The following BOD1L1 variants were observed in gnomAD, a reference collection of about 807,000 sequenced individuals.
BOD1L1 encodes biorientation of chromosomes in cell division protein 1-like 1.
In BOD1L1, 86 loss-of-function variants were observed where a neutral mutation model predicts 240.7. That is an observed-to-expected ratio of 0.36 (90% CI 0.30 to 0.43). The LOEUF (loss-of-function observed/expected upper bound fraction) is 0.43. BOD1L1 is among the 20% of genes least tolerant of loss of function. The pLI is 1.00. For missense variants in BOD1L1, 3,554 were observed against 3,643.5 expected, an observed-to-expected ratio of 0.98 and a Z score of 0.63; for synonymous variants, 1,268 against 1,272.3, an observed-to-expected ratio of 1.00 and a Z score of 0.07.
rs775410432 is a variant in BOD1L1, at chr4:13,600,793, GTGA to G, written c.6104_6106del (p.Ile2035del). ...ATCACACTCTTCATTTTCTACAGAG[GTGA>G]TGATGTCCTCATCTTCTTTTTCACT... On this transcript the variant is annotated inframe_deletion, in exon 10 of 26. Coordinates refer to ENST00000040738, the MANE Select transcript of BOD1L1 (RefSeq NM_148894.3). 2 of 1,613,946 alleles carry G rather than the reference GTGA, an allele frequency of 1.2e-6. No homozygotes were observed. Among genetic ancestry groups the G allele is most frequent in the Admixed American group, 1.7e-5 (1 of 60,014 alleles).
At position 13,627,660 on chromosome 4, in the gene BOD1L1, C is replaced by T; in HGVS notation, c.-73G>A. 1 of 1,058,854 alleles carries T rather than the reference C, an allele frequency of 9.4e-7. No homozygotes were observed. The highest frequency in any genetic ancestry group is 1.7e-5 in the African/African-American group (1 of 59,244). The allele number at this position is 1,058,854 out of a possible 1,614,324, so 65.6% of individuals were successfully genotyped here. On this transcript the variant is annotated 5_prime_UTR_variant, in exon 1 of 26. Transcript: ENST00000040738. The stretch of plus-strand genomic sequence containing the variant: ...TGGGAGGCGGCGGCTGCACTGGTCC[C>T]GCCGCCTGAGGGAAGCCAACGGGAT...
rs1325747178 is a variant in BOD1L1, at chr4:13,602,764, T to C, written c.4136A>G (p.Gln1379Arg). ...TCCAAGAGGCATGATTACCTTTCCT[T>C]GTTTACCATCCAATAAAGTAGCCTG... ...AHQATLLDGK[Q>R]GKVIMPLGSK... The change falls in exon 10 of 26, where the codon CAA becomes CGA. Residue 1379 changes from glutamine to arginine, a missense_variant. This residue lies in a region of BOD1L1 where 3,393 missense variants were observed against 3,427.1 expected (regional missense o/e 0.99). Transcript: ENST00000040738. 1 of 1,614,016 alleles carries C rather than the reference T, an allele frequency of 6.2e-7. No individual in the cohort carries two copies. Among genetic ancestry groups the C allele is most frequent in the East Asian group, 2.2e-5 (1 of 44,882 alleles).
chr4:13,570,243 C>A (rs17806666), intron 25 of BOD1L1, 115 bp from the exon 26 acceptor site: 100,071 of 692,022 alleles, frequency 0.14, 8,246 homozygotes, highest in Middle Eastern at 0.22. Context: ...AAGAGAAAAA[C>A]CCAGTAACAT....
At position 13,569,017 on chromosome 4, in the gene BOD1L1, CAT is replaced by C. The variant is rs1711983976; in HGVS notation, c.*992_*993del. 3 of 152,194 alleles carry C rather than the reference CAT, an allele frequency of 2.0e-5. No homozygotes were observed. In the South Asian group the frequency reaches 6.2e-4, roughly 32 times the overall value. The allele number at this position is 152,194 out of a possible 1,614,324, so 9.4% of individuals were successfully genotyped here. On this transcript the variant is annotated 3_prime_UTR_variant, in exon 26 of 26. Coordinates refer to ENST00000040738, the MANE Select transcript of BOD1L1 (RefSeq NM_148894.3). The stretch of plus-strand genomic sequence containing the variant: ...CAGTTTGCTCATATGAGAGTTAAAA[CAT>C]GTTTAAAAAAACACTTGGCAATAAA...
In BOD1L1 at chr4:13,597,086, C is replaced by A; in HGVS notation, c.8019+18G>T. ...TTTAATCACTTACAGTTCAGCACAG[C>A]TGAATTATAAGCCATACCTCCATTT... On this transcript the variant is annotated intron_variant, in intron 11 of 25. Coordinates refer to ENST00000040738, the MANE Select transcript of BOD1L1 (RefSeq NM_148894.3). The A allele has an allele frequency of 8.3e-6, 13 of 1,569,998 alleles. No individual in the cohort carries two copies. The highest frequency in any genetic ancestry group is 1.1e-5 in the Non-Finnish European group (13 of 1,153,722).
chr4:13,591,173 G>A (rs942896821), intron 13 of BOD1L1, among the ~76,000 whole-genome samples: 1 of 152,062 alleles, frequency 6.6e-6, no homozygotes, highest in African/African-American at 2.4e-5. Flanking sequence ...CTCAGTAGCT[G>A]GGACTATAGG....
chr4:13,585,923 C>T (rs754089482), intron 17 of BOD1L1, among the ~76,000 whole-genome samples: 9 of 152,118 alleles, frequency 5.9e-5, no homozygotes, highest in Non-Finnish European at 8.8e-5. Context: ...CATGCGGAAC[C>T]GTGAGTCAAT....
intron 22 of BOD1L1, 157 bp from the exon 23 acceptor site, chr4:13,577,788 C>T: frequency 1.9e-6 from 1 of 534,442 alleles, no homozygotes; most frequent in South Asian, 3.0e-5. Flanking sequence ...AATCAGAATA[C>T]CTAGCAGAGA....
At chr4:13,609,273 T>C (rs1488665984) in intron 7 of BOD1L1, 22 bp downstream of exon 7, 7 of 1,353,360 alleles carry the variant, frequency 5.2e-6, no homozygotes, top group South Asian at 1.7e-5. Context: ...TAGTTTAAAA[T>C]ATTAAAAGTT....
Position 13,613,500 on chromosome 4 carries a change from A to C in BOD1L1, c.1324+12T>G. 6.2e-7 allele frequency: 1 copy of C among 1,607,770 alleles called. No homozygotes were observed. Among genetic ancestry groups the C allele is most frequent in the Non-Finnish European group, 8.5e-7 (1 of 1,175,944 alleles). ...GGATGCTTCAGAGGCATTATTATGT[A>C]AAATGCTTTACCATCTGACGTAATC... On this transcript the variant is annotated intron_variant, in intron 5 of 25. Transcript: ENST00000040738. This position sits in a 1 kb window ranked among gnomAD's most constrained non-coding sequence, Gnocchi z 4.0.
Position 13,602,447 on chromosome 4 carries a change from T to C in BOD1L1, c.4453A>G (p.Ser1485Gly). The C allele has an allele frequency of 6.2e-7, 1 of 1,614,038 alleles. No individual in the cohort carries two copies. Among genetic ancestry groups the C allele is most frequent in the Non-Finnish European group, 8.5e-7 (1 of 1,179,878 alleles). Residue 1485 changes from serine to glycine, a missense_variant, in exon 10 of 26, where the codon AGT becomes GGT. Ser to Gly is a moderately conservative substitution (Grantham distance 56, BLOSUM62 0). Coordinates refer to ENST00000040738, the MANE Select transcript of BOD1L1 (RefSeq NM_148894.3). ...RRNENSEVDT[S>G]AGSGSAPSVL... is the part of the protein sequence containing the mutation. ...GAGGGTGCAGAGCCACTTCCAGCAC[T>C]GGTGTCTACCTCACTGTTTTCATTC...
rs775504939 is a variant in BOD1L1, at chr4:13,614,674, T to C, written c.696A>G (p.Arg232=). 2.2e-5 allele frequency: 36 copies of C among 1,613,792 alleles called. No individual in the cohort carries two copies. Among genetic ancestry groups the C allele is most frequent in the Admixed American group, 3.3e-5 (2 of 59,988 alleles). The stretch of plus-strand genomic sequence containing the variant: ...GCTGAGATGGAAGTTTTTTTGACGC[T>C]CTCTCACTGGTCTTGGCATTTGATG... ...TETSNAKTSE[R]ASKKLPSQPT... Residue 232 remains arginine (R), a synonymous_variant, in exon 4 of 26, where the codon AGA becomes AGG. Transcript: ENST00000040738.
chr4:13,600,329 C>G lies in BOD1L1; in HGVS notation c.6571G>C (p.Glu2191Gln). The change falls in exon 10 of 26, where the codon GAG becomes CAG. Residue 2191 changes from glutamate (E) to glutamine (Q), a missense_variant. Transcript: ENST00000040738. ...GGGGGCGCACTGGGCATAGGCCCCT[C>G]AAAGTCGGCGGTGCTTATCAAGACT... ...GPVLISTADF[E>Q]GPMPSAPPEA... The G allele has an allele frequency of 6.2e-7, 1 of 1,614,046 alleles. No homozygotes were observed. Among genetic ancestry groups the G allele is most frequent in the East Asian group, 2.2e-5 (1 of 44,882 alleles).
chr4:13,623,353 A>C (rs1014440987), intron 1 of BOD1L1: 4 of 152,180 alleles, frequency 2.6e-5, no homozygotes, highest in African/African-American at 9.7e-5. Flanking sequence ...CCAAAAAATC[A>C]GACTTTCTTA....
Position 13,569,940 on chromosome 4 carries a change from A to T in BOD1L1, c.*71T>A, listed in dbSNP as rs181404914. 1 of 1,157,366 alleles carries T rather than the reference A, an allele frequency of 8.6e-7. No individual in the cohort carries two copies. Among genetic ancestry groups the T allele is most frequent in the African/African-American group, 1.6e-5 (1 of 62,176 alleles). 71.7% of individuals were successfully genotyped at this position (1,157,366 alleles called of 1,614,324 possible). A position where few individuals can be genotyped will look rare whatever the true frequency, so the allele number is the denominator to read the frequency against. On this transcript the variant is annotated 3_prime_UTR_variant, in exon 26 of 26. Transcript: ENST00000040738. ...CTTTTTCCTGGTTAAAGAGAAGCCTATGGCCACCAAGGCATGTCTCTTTCC... is the reference window on the plus strand; with the variant it reads ...CTTTTTCCTGGTTAAAGAGAAGCCTTTGGCCACCAAGGCATGTCTCTTTCC...
At chr4:13,577,520 G>A (rs1712857653) in intron 23 of BOD1L1, 33 bp from the exon 24 acceptor site, 2 of 1,606,332 alleles carry the variant, frequency 1.2e-6, no homozygotes, top group Non-Finnish European at 1.7e-6. Context: ...CAAAAGGGTG[G>A]TCAGCTGAGC....
In BOD1L1 at chr4:13,576,905, C is replaced by T; in HGVS notation, c.8971G>A (p.Glu2991Lys). 1 of 1,613,828 alleles carries T rather than the reference C, an allele frequency of 6.2e-7. No individual in the cohort carries two copies. The highest frequency in any genetic ancestry group is 8.5e-7 in the Non-Finnish European group (1 of 1,179,688). ...GAAGGCTCGTCCTCTTCCTCTTCTTCCTCTTCCTCATCAGACTCCTGCTCT... is the reference window on the plus strand; with the variant it reads ...GAAGGCTCGTCCTCTTCCTCTTCTTTCTCTTCCTCATCAGACTCCTGCTCT... ...KKEQESDEEEEEEEEDEPSGA... is the reference protein window; with the variant it reads ...KKEQESDEEEKEEEEDEPSGA... Residue 2991 changes from glutamate to lysine, a missense_variant, in exon 25 of 26, where the codon GAA (glutamate) becomes AAA (lysine). Physicochemically the swap from Glu to Lys is moderately conservative, Grantham distance 56 (BLOSUM62 1). This residue lies in a region of BOD1L1 where 3,393 missense variants were observed against 3,427.1 expected (regional missense o/e 0.99). Transcript: ENST00000040738.
Position 13,581,134 on chromosome 4 carries a change from AT to A in BOD1L1, c.8665del (p.Met2889Ter). The A allele has an allele frequency of 6.3e-7, 1 of 1,574,862 alleles. No individual in the cohort carries two copies. Among genetic ancestry groups the A allele is most frequent in the Non-Finnish European group, 8.6e-7 (1 of 1,158,506 alleles). ...CTGAAAACACACCAAGTACCTACTC[AT>A]TTTTAACGTTGTTTCTACAGGGTAT... ...RKYPVETTLK[M>X]KDDSKTDTGI... On this transcript the variant is annotated frameshift_variant, in exon 20 of 26. Transcript: ENST00000040738. LOFTEE classifies it high-confidence loss of function.
intron 6 of BOD1L1, 75 bp from the exon 7 acceptor site, chr4:13,609,481 G>C (rs777466254): frequency 1.5e-5 from 15 of 992,674 alleles, no homozygotes; most frequent in African/African-American, 3.4e-5. Context: ...TTTTTTTAAA[G>C]TTTTAGTTTA....
Sources: allele counts gnomAD v4.1 joint callset (sites outside exome capture counted in the v4.1 genomes callset), GRCh38; gene constraint gnomAD v4.1.1; regional missense constraint gnomAD v4.1.1; non-coding constraint Gnocchi (gnomAD v3.1); transcripts MANE v1.5; gene names NCBI Gene and HGNC (gene_info 2026-07-23, HGNC 2026-07-21).